Variants in CACNG2 observed in about 807,000 individuals in gnomAD.
The protein encoded by CACNG2 is voltage-dependent calcium channel gamma-2 subunit.
In CACNG2, 3 loss-of-function variants were observed where a neutral mutation model predicts 25.9. The ratio of observed to expected loss-of-function variants is 0.12; its 90% CI spans 0.05 to 0.30. CACNG2 has a LOEUF of 0.30. Among genes scored for constraint, CACNG2 ranks in the 10% least tolerant of loss-of-function variants. CACNG2 has a pLI of 1.00. For missense variants in CACNG2, 341 were observed against 432.5 expected, an observed-to-expected ratio of 0.79 and a Z score of 1.88; for synonymous variants, 167 against 173.3, an observed-to-expected ratio of 0.96 and a Z score of 0.29.
intron 1 of CACNG2, among the ~76,000 whole-genome samples, chr22:36,668,734 G>A (rs1029747422): frequency 2.6e-5 from 4 of 152,056 alleles, no homozygotes; most frequent in Admixed American, 6.5e-5. Context: ...GAGCTCAAGC[G>A]ATCCACCTGC....
chr22:36,612,204 A>G (rs1427675407), intron 1 of CACNG2, among the ~76,000 whole-genome samples: 2 of 152,226 alleles, frequency 1.3e-5, no homozygotes, highest in East Asian at 3.8e-4. Flanking sequence ...CTCGGGTAAG[A>G]CATGTCACCT....
chr22:36,636,653 G>A (rs150283906), intron 1 of CACNG2, among the ~76,000 whole-genome samples: 8 of 152,342 alleles, frequency 5.3e-5, no homozygotes, highest in African/African-American at 9.6e-5. Context: ...GCTATTTACC[G>A]TACCCCCGTG....
In CACNG2 at chr22:36,566,502, C is replaced by T; in HGVS notation, c.296-9G>A. On this transcript the variant is annotated splice_polypyrimidine_tract_variant and intron_variant, in intron 2 of 3. Transcript: ENST00000300105. Reference sequence around the variant, plus strand: ...GGAGGCCCTCACGGCCCCTGTGGAACACAGAGGGTCAGGGAGAAAGAGAAC... The same window carrying T: ...GGAGGCCCTCACGGCCCCTGTGGAATACAGAGGGTCAGGGAGAAAGAGAAC... 6.2e-7 allele frequency: 1 copy of T among 1,613,974 alleles called. No individual in the cohort carries two copies. Among genetic ancestry groups the T allele is most frequent in the South Asian group, 1.1e-5 (1 of 91,086 alleles).
At chr22:36,598,717 G>A (rs1004053205) in intron 1 of CACNG2, among the ~76,000 whole-genome samples, 11 of 151,758 alleles carry the variant, frequency 7.2e-5, no homozygotes, top group East Asian at 3.9e-4. Flanking sequence ...GGTGGCTCAC[G>A]CCTGTAATCC....
At chr22:36,574,826 A>G (rs1935288182) in intron 2 of CACNG2, among the ~76,000 whole-genome samples, 1 of 151,386 alleles carries the variant, frequency 6.6e-6, no homozygotes, top group South Asian at 2.1e-4. Context: ...CAAACAAAAA[A>G]AGAGACTAGA....
chr22:36,645,536 C>CA (rs200600420), intron 1 of CACNG2, among the ~76,000 whole-genome samples: 4,184 of 133,814 alleles, frequency 0.031, 291 homozygotes, highest in Middle Eastern at 0.05. Flanking sequence ...GACTCTGTCT[C>CA]AAAAAAAAAA....
At chr22:36,637,024 C>T (rs1804372823) in intron 1 of CACNG2, among the ~76,000 whole-genome samples, 1 of 152,230 alleles carries the variant, frequency 6.6e-6, no homozygotes, top group African/African-American at 2.4e-5. Context: ...GATTAACGTC[C>T]AGGGCGTTAA....
At chr22:36,603,507 A>T (rs1020186254) in intron 1 of CACNG2, among the ~76,000 whole-genome samples, 1 of 152,234 alleles carries the variant, frequency 6.6e-6, no homozygotes, top group African/African-American at 2.4e-5. Context: ...AGAAGATGCC[A>T]TCTAGGATTT....
chr22:36,564,913 G>A lies in CACNG2; in HGVS notation c.437-27C>T, dbSNP rs369071817. 1 of 1,600,192 alleles carries A rather than the reference G, an allele frequency of 6.2e-7. No individual in the cohort carries two copies. Among genetic ancestry groups the A allele is most frequent in the Non-Finnish European group, 8.5e-7 (1 of 1,174,808 alleles). ...TGCGGGGCGCAGGGTGGCGGGGTGG[G>A]GGATCAGAGAGAAGGACGTTAGTTT... is the stretch of plus-strand genomic sequence containing the variant. On this transcript the variant is annotated intron_variant, in intron 3 of 3. Coordinates refer to ENST00000300105, the MANE Select transcript of CACNG2 (RefSeq NM_006078.5). This position sits in a 1 kb window ranked among gnomAD's most constrained non-coding sequence, Gnocchi z 6.7.
At chr22:36,653,909 A>T (rs1601438157) in intron 1 of CACNG2, among the ~76,000 whole-genome samples, 1 of 131,554 alleles carries the variant, frequency 7.6e-6, no homozygotes, top group Non-Finnish European at 1.6e-5. Flanking sequence ...AAAACATGAC[A>T]GACGTTAGAT....
intron 1 of CACNG2, among the ~76,000 whole-genome samples, chr22:36,650,124 C>T (rs1472918888): frequency 1.3e-5 from 2 of 152,180 alleles, no homozygotes; most frequent in Admixed American, 6.5e-5. Context: ...ACCAACCTCT[C>T]TTCACTCAAT....
At chr22:36,637,267 G>A (rs1025135864) in intron 1 of CACNG2, among the ~76,000 whole-genome samples, 3 of 152,056 alleles carry the variant, frequency 2.0e-5, no homozygotes, top group African/African-American at 7.3e-5. Context: ...AAAACAATGG[G>A]GACCCATGGG....
chr22:36,686,172 A>C (rs921241557), intron 1 of CACNG2, among the ~76,000 whole-genome samples: 6 of 152,140 alleles, frequency 3.9e-5, no homozygotes, highest in African/African-American at 1.4e-4. Context: ...GAGAGTGGCC[A>C]CCACTCCTGG....
At chr22:36,619,219 C>T (rs1936070261) in intron 1 of CACNG2, among the ~76,000 whole-genome samples, 1 of 152,254 alleles carries the variant, frequency 6.6e-6, no homozygotes, top group South Asian at 2.1e-4. Context: ...TTCCACTGCA[C>T]TAGGATTTCT....
intron 1 of CACNG2, among the ~76,000 whole-genome samples, chr22:36,637,561 A>G (rs548844173): frequency 6.6e-6 from 1 of 152,110 alleles, no homozygotes; most frequent in Admixed American, 6.5e-5. Context: ...TTGTTTGGAG[A>G]GGCTCACCGC....
At chr22:36,574,273 G>A (rs184864599) in intron 2 of CACNG2, among the ~76,000 whole-genome samples, 2 of 152,330 alleles carry the variant, frequency 1.3e-5, no homozygotes, top group East Asian at 3.9e-4. Context: ...GGAGAGGAGT[G>A]ATGCCGGTGC....
intron 1 of CACNG2, among the ~76,000 whole-genome samples, chr22:36,659,585 T>C (rs1477925543): frequency 7.3e-6 from 1 of 137,012 alleles, no homozygotes; most frequent in African/African-American, 2.8e-5. Flanking sequence ...GGCAGCAGAT[T>C]ACCTGGCCCC....
intron 1 of CACNG2, among the ~76,000 whole-genome samples, chr22:36,686,311 T>A (rs1937196831): frequency 6.6e-6 from 1 of 152,228 alleles, no homozygotes; most frequent in Non-Finnish European, 1.5e-5. Context: ...GAGATGACCC[T>A]GTCACAGAGC....
intron 1 of CACNG2, among the ~76,000 whole-genome samples, chr22:36,594,108 A>G (rs753952099): frequency 2.0e-4 from 30 of 152,150 alleles, no homozygotes; most frequent in Non-Finnish European, 4.4e-4. Flanking sequence ...AGATGGATCC[A>G]GGTGCTCCAA....
Sources: gnomAD v4.1 joint callset for allele counts (sites outside exome capture counted in the v4.1 genomes callset) on GRCh38, gnomAD v4.1.1 for gene constraint, Gnocchi (gnomAD v3.1) non-coding constraint, MANE v1.5 for transcripts, NCBI Gene and HGNC (gene_info 2026-07-23, HGNC 2026-07-21) for gene names.